The following UGT2B4 variants were observed in gnomAD, a reference collection of about 807,000 sequenced individuals.
The protein encoded by UGT2B4 is UDP-glucuronosyltransferase 2B4.
A neutral mutation model predicts 49.8 loss-of-function variants in UGT2B4; 49 were observed. The ratio of observed to expected loss-of-function variants is 0.98; its 90% CI spans 0.78 to 1.25. The LOEUF (loss-of-function observed/expected upper bound fraction) is 1.25. Among genes scored for constraint, UGT2B4 ranks in the 50% most tolerant of loss-of-function variants. The pLI is 0.00. For synonymous variants in UGT2B4, 246 were observed against 217.7 expected, an observed-to-expected ratio of 1.13 and a Z score of -1.14; for missense variants, 729 against 627.7, an observed-to-expected ratio of 1.16 and a Z score of -1.73.
At chr4:69,505,453 A>G (rs1728443764) in intron 1 of UGT2B4, among the ~76,000 whole-genome samples, 2 of 152,094 alleles carry the variant, frequency 1.3e-5, no homozygotes, top group South Asian at 4.1e-4. Flanking sequence ...GAATTTAAAC[A>G]AAAAACGAAA....
chr4:69,501,784 G>T (rs1577895190), intron 1 of UGT2B4, among the ~76,000 whole-genome samples: 1 of 152,052 alleles, frequency 6.6e-6, no homozygotes, highest in East Asian at 1.9e-4. Context: ...GAGGTTCCAA[G>T]GTGACCAGGG....
chr4:69,506,523 A>G (rs1728471770), intron 1 of UGT2B4, among the ~76,000 whole-genome samples: 2 of 152,196 alleles, frequency 1.3e-5, no homozygotes, highest in Admixed American at 1.3e-4. Context: ...CTAAACCCAG[A>G]AGAAATTGAA....
chr4:69,498,708 G>T (rs181946008), upstream of UGT2B4, among the ~76,000 whole-genome samples: 26 of 152,218 alleles, frequency 1.7e-4, no homozygotes, highest in East Asian at 4.8e-3. Flanking sequence ...GGAGTCAGTG[G>T]TCATATCCCC....
At chr4:69,482,432 C>T (rs1057431696) in intron 5 of UGT2B4, among the ~76,000 whole-genome samples, 20 of 152,096 alleles carry the variant, frequency 1.3e-4, no homozygotes, top group African/African-American at 4.6e-4. Context: ...AGTGAAGATA[C>T]CACTATCTCT....
chr4:69,508,020 A>T (rs1397224529), intron 1 of UGT2B4, among the ~76,000 whole-genome samples: 3 of 152,218 alleles, frequency 2.0e-5, no homozygotes, highest in African/African-American at 4.8e-5. Context: ...AGAAAAAATT[A>T]AAAAGTGGGC....
At chr4:69,502,139 T>TTCTTTCTTTCTA (rs1560439145) in intron 1 of UGT2B4, among the ~76,000 whole-genome samples, 12 of 137,484 alleles carry the variant, frequency 8.7e-5, no homozygotes, top group East Asian at 4.2e-4. Flanking sequence ...CTTTCTTTCT[T>TTCTTTCTTTCTA]TCTTTCTTTC....
chr4:69,516,708 G>A (rs1207946894), intron 1 of UGT2B4, among the ~76,000 whole-genome samples: 1 of 151,898 alleles, frequency 6.6e-6, no homozygotes, highest in Non-Finnish European at 1.5e-5. Flanking sequence ...TTAGGTTTAG[G>A]GGATTCTCAT....
In UGT2B4 at chr4:69,495,215, T is replaced by G. The variant is rs773176787; in HGVS notation, c.647A>C (p.Tyr216Ser). 3 of 1,607,296 alleles carry G rather than the reference T, an allele frequency of 1.9e-6. No individual in the cohort carries two copies. The South Asian group carries it at 3.3e-5, about 18-fold the overall frequency. The part of the protein sequence containing the change: ...TFIERVKNMI[Y>S]VLYFEFWFQI... Reference sequence around the variant, plus strand: ...GAACCAAAATTCAAAATAAAGCACATAGATCATATTTTTTACCCTCTCTAT... The same window carrying G: ...GAACCAAAATTCAAAATAAAGCACAGAGATCATATTTTTTACCCTCTCTAT... Residue 216 changes from tyrosine to serine, a missense_variant, in exon 1 of 6, where the codon TAT (tyrosine) becomes TCT (serine). Transcript: ENST00000305107.
chr4:69,496,464 G>C (rs1417089674), upstream of UGT2B4, among the ~76,000 whole-genome samples: 1 of 152,160 alleles, frequency 6.6e-6, no homozygotes, highest in East Asian at 1.9e-4. Flanking sequence ...CTTTGACACA[G>C]AACTAAAGAT....
chr4:69,490,220 T>C (rs1727940570), intron 2 of UGT2B4, among the ~76,000 whole-genome samples: 2 of 152,168 alleles, frequency 1.3e-5, no homozygotes, highest in Admixed American at 1.3e-4. Flanking sequence ...GGAATTTCTA[T>C]AAATTTCTAT....
intron 1 of UGT2B4, among the ~76,000 whole-genome samples, chr4:69,524,284 A>G (rs1728915992): frequency 6.6e-6 from 1 of 152,038 alleles, no homozygotes; most frequent in Admixed American, 6.5e-5. Flanking sequence ...ATAATTTCCG[A>G]CTTTTGATTT....
At position 69,495,785 on chromosome 4, in the gene UGT2B4, A is replaced by G. The variant is rs577684649; in HGVS notation, c.77T>C (p.Val26Ala). The G allele has an allele frequency of 1.9e-6, 3 of 1,613,632 alleles. No homozygotes were observed. In the Admixed American group the frequency reaches 5.0e-5, roughly 27 times the overall value. ...GCTGAATTCTGTGGGCCACACCAGC[A>G]CCTTTCCACAACTCCCAGAGCTAAA... The part of the protein sequence containing the change: ...CYFSSGSCGK[V>A]LVWPTEFSHW... The change falls in exon 1 of 6, where the codon GTG becomes GCG. Residue 26 changes from valine to alanine, a missense_variant. Physicochemically the swap from Val to Ala is moderately conservative, Grantham distance 64. Coordinates refer to ENST00000305107, the MANE Select transcript of UGT2B4 (RefSeq NM_021139.3).
At chr4:69,497,478 T>G (rs755139942), upstream of UGT2B4, among the ~76,000 whole-genome samples, 24 of 152,218 alleles carry the variant, frequency 1.6e-4, no homozygotes, top group African/African-American at 5.8e-4. Flanking sequence ...GTAATTGGTC[T>G]ATTATTGCAG....
intron 1 of UGT2B4, among the ~76,000 whole-genome samples, chr4:69,513,712 G>A (rs571771455): frequency 5.8e-4 from 89 of 152,266 alleles, no homozygotes; most frequent in African/African-American, 2.0e-3. Context: ...CCATGAGCAT[G>A]GAAAGTTTTT....
chr4:69,494,691 A>G (rs1022071105), intron 1 of UGT2B4, among the ~76,000 whole-genome samples: 1 of 152,184 alleles, frequency 6.6e-6, no homozygotes, highest in African/African-American at 2.4e-5. Context: ...ACATGGGTAC[A>G]TATTGCAATT....
chr4:69,485,918 G>A (rs574375791), intron 4 of UGT2B4, among the ~76,000 whole-genome samples: 1 of 151,956 alleles, frequency 6.6e-6, no homozygotes, highest in African/African-American at 2.4e-5. Context: ...AAACAGCCAT[G>A]CCCAGTTAAT....
intron 1 of UGT2B4, among the ~76,000 whole-genome samples, chr4:69,514,991 G>T (rs985380107): frequency 7.2e-5 from 11 of 152,170 alleles, no homozygotes; most frequent in African/African-American, 2.7e-4. Context: ...AAGTACATAT[G>T]CATCCAACAC....
At chr4:69,484,925 GGATT>G (rs1009120423) in intron 5 of UGT2B4, among the ~76,000 whole-genome samples, 2 of 151,738 alleles carry the variant, frequency 1.3e-5, no homozygotes, top group African/African-American at 2.4e-5. Context: ...TTTCTACTGT[GGATT>G]GATTACGTCA....
chr4:69,505,891 G>A (rs971253219), intron 1 of UGT2B4, among the ~76,000 whole-genome samples: 1 of 152,090 alleles, frequency 6.6e-6, no homozygotes, highest in Admixed American at 6.6e-5. Context: ...AATCAACTTA[G>A]AAATCCAGAC....
Sources: allele counts gnomAD v4.1 joint callset (sites outside exome capture counted in the v4.1 genomes callset), GRCh38; gene constraint gnomAD v4.1.1; transcripts MANE v1.5; gene names NCBI Gene and HGNC (gene_info 2026-07-23, HGNC 2026-07-21).